The following RETREG3 variants were observed in gnomAD, a reference collection of about 807,000 sequenced individuals.
The protein encoded by RETREG3 is reticulophagy regulator 3.
Under a neutral mutation model 50.2 loss-of-function variants are expected in RETREG3, and 23 were observed. The observed-to-expected ratio is 0.46, with a 90% CI of 0.33 to 0.65. The LOEUF is 0.65. RETREG3 is among the 30% of genes least tolerant of loss of function. RETREG3 has a pLI of 0.02. For missense variants in RETREG3, 546 were observed against 598.0 expected (o/e 0.91, Z 0.91); for synonymous variants, 240 against 234.4 (o/e 1.02, Z -0.22).
intron 1 of RETREG3, among the ~76,000 whole-genome samples, chr17:42,597,953 A>G (rs915965773): frequency 1.0e-4 from 15 of 149,162 alleles, no homozygotes; most frequent in African/African-American, 3.4e-4. Context: ...TTATACCACA[A>G]AGAAAACTCT....
chr17:42,601,949 T>A (rs1166843217), intron 1 of RETREG3, among the ~76,000 whole-genome samples: 1 of 152,148 alleles, frequency 6.6e-6, no homozygotes, highest in African/African-American at 2.4e-5. Flanking sequence ...GTTTCCAATT[T>A]TTTGATGTAA....
At chr17:42,591,868 C>T (rs2093133951) in intron 2 of RETREG3, among the ~76,000 whole-genome samples, 188 bp downstream of exon 2, 1 of 152,126 alleles carries the variant, frequency 6.6e-6, no homozygotes, top group Admixed American at 6.6e-5. Flanking sequence ...ATGGGAAGGG[C>T]AGAACCCAGC....
chr17:42,590,552 G>A (rs1420274082), intron 2 of RETREG3, among the ~76,000 whole-genome samples: 2 of 151,976 alleles, frequency 1.3e-5, no homozygotes, highest in Non-Finnish European at 1.5e-5. Context: ...AGTGCCTATA[G>A]TCCCAGCTGC....
intron 4 of RETREG3, chr17:42,586,534 G>T: frequency 4.4e-6 from 2 of 451,138 alleles, no homozygotes; most frequent in South Asian, 3.7e-5. Context: ...CTATCTTGAA[G>T]CAAGAAAACG....
At chr17:42,601,329 T>C (rs1290956655) in intron 1 of RETREG3, among the ~76,000 whole-genome samples, 1 of 150,148 alleles carries the variant, frequency 6.7e-6, no homozygotes, top group Non-Finnish European at 1.5e-5. Flanking sequence ...TCCCAACACT[T>C]TGGGAGGCTG....
chr17:42,590,090 G>A (rs2093129503), intron 2 of RETREG3, among the ~76,000 whole-genome samples: 1 of 152,170 alleles, frequency 6.6e-6, no homozygotes, highest in Non-Finnish European at 1.5e-5. Context: ...TGTCGTCCCA[G>A]CTACTCAGGA....
chr17:42,586,937 T>TC (rs1032352671), intron 3 of RETREG3, 46 bp from the exon 4 acceptor site: 3 of 1,603,788 alleles, frequency 1.9e-6, no homozygotes, highest in Non-Finnish European at 2.6e-6. Flanking sequence ...GTGTTGAGGG[T>TC]CCCCCCATCT....
At chr17:42,582,459 C>T (rs2093111532) in intron 8 of RETREG3, among the ~76,000 whole-genome samples, 189 bp from the exon 9 acceptor site, 1 of 152,186 alleles carries the variant, frequency 6.6e-6, no homozygotes, top group Non-Finnish European at 1.5e-5. Flanking sequence ...TCTATGTCCC[C>T]TGTGAGGCTA....
chr17:42,596,390 AAAAAAAAAAG>A (rs2093144874), intron 1 of RETREG3: 5 of 146,138 alleles, frequency 3.4e-5, no homozygotes, highest in Non-Finnish European at 7.5e-5. Flanking sequence ...AAAAAAAAAA[AAAAAAAAAAG>A]AAATAAAAAT....
At chr17:42,587,414 A>G (rs1441565994) in intron 3 of RETREG3, among the ~76,000 whole-genome samples, 1 of 152,242 alleles carries the variant, frequency 6.6e-6, no homozygotes, top group Non-Finnish European at 1.5e-5. Flanking sequence ...CACAAGAGGA[A>G]TCTTTGGCTT....
intron 2 of RETREG3, among the ~76,000 whole-genome samples, chr17:42,589,025 T>C (rs2093127068): frequency 1.3e-5 from 2 of 148,312 alleles, no homozygotes; most frequent in Non-Finnish European, 3.0e-5. Flanking sequence ...TCTGCCTCCT[T>C]GGGGGGCTGA....
chr17:42,582,803 C>T lies in RETREG3; in HGVS notation c.814G>A (p.Asp272Asn). Residue 272 changes from aspartate (D) to asparagine (N), a missense_variant, in exon 8 of 9, where the codon GAC becomes AAC. Asp to Asn is a conservative substitution (Grantham distance 23). Coordinates refer to ENST00000309428, the MANE Select transcript of RETREG3 (RefSeq NM_178126.4). ...EELAAFCPQLDDSTVARELAI... is the reference protein window; with the variant it reads ...EELAAFCPQLNDSTVARELAI... The stretch of plus-strand genomic sequence containing the variant: ...AATTCCCTGGCAACAGTAGAATCGT[C>T]CAGCTTAGGAAAAGACCAACAAATG... 6.2e-7 allele frequency: 1 copy of T among 1,614,168 alleles called. No homozygotes were observed. Among genetic ancestry groups the T allele is most frequent in the South Asian group, 1.1e-5 (1 of 91,076 alleles).
rs3067882 is a variant in RETREG3, at chr17:42,581,048, A to AAAAAAGAAAAGAAAAG, written c.*764_*765insCTTTTCTTTTCTTTTT. 1.0e-4 allele frequency: 12 copies of AAAAAAGAAAAGAAAAG among 117,930 alleles called. No homozygotes were observed. The highest frequency in any genetic ancestry group is 4.0e-4 in the African/African-American group (12 of 30,292). The allele number at this position is 117,930 out of a possible 1,614,324, so 7.3% of individuals were successfully genotyped here. A position where few individuals can be genotyped will look rare whatever the true frequency, so the allele number is the denominator to read the frequency against. ...AGAGAGACTCTGTCTCAAAAAAAAAAAAAAGAAAAGAAAAGAAAAGAAAAA... is the reference window on the plus strand; with the variant it reads ...AGAGAGACTCTGTCTCAAAAAAAAAAAAAAAGAAAAGAAAAGAAAAGAAAAGAAAAGAAAAGAAAAA... On this transcript the variant is annotated 3_prime_UTR_variant, in exon 9 of 9. Transcript: ENST00000309428.
intron 3 of RETREG3, 137 bp from the exon 4 acceptor site, chr17:42,587,028 T>C: frequency 8.4e-7 from 1 of 1,193,324 alleles, no homozygotes; most frequent in Non-Finnish European, 1.2e-6. Context: ...AGGTGAAGCA[T>C]GACTTTCTTC....
At chr17:42,597,659 T>C (rs1233148459) in intron 1 of RETREG3, among the ~76,000 whole-genome samples, 1 of 117,038 alleles carries the variant, frequency 8.5e-6, no homozygotes, top group Admixed American at 9.9e-5. Flanking sequence ...AGACAGAGTC[T>C]CACTCTGTCA....
intron 1 of RETREG3, among the ~76,000 whole-genome samples, chr17:42,599,702 G>A (rs1257617655): frequency 4.1e-5 from 6 of 147,710 alleles, no homozygotes; most frequent in Non-Finnish European, 7.5e-5. Context: ...CATGTTTATC[G>A]AAAAAAAAGT....
chr17:42,583,749 A>G (rs941841233), intron 6 of RETREG3, among the ~76,000 whole-genome samples, 169 bp from the exon 7 acceptor site: 1 of 152,198 alleles, frequency 6.6e-6, no homozygotes, highest in Non-Finnish European at 1.5e-5. Context: ...ATGCAAGGTG[A>G]GTTGAAAACA....
In RETREG3 at chr17:42,609,278, C is replaced by G. The variant is rs1722484714; in HGVS notation, c.47G>C (p.Gly16Ala). 6.2e-7 allele frequency: 1 copy of G among 1,604,388 alleles called. No individual in the cohort carries two copies. The highest frequency in any genetic ancestry group is 1.1e-5 in the South Asian group (1 of 91,072). The change falls in exon 1 of 9, where the codon GGG becomes GCG. Residue 16 changes from glycine to alanine, a missense_variant. Coordinates refer to ENST00000309428, the MANE Select transcript of RETREG3 (RefSeq NM_178126.4). ...ATCTCGGCGGCCCCTGAAAGTCGAC[C>G]CCGAAGCCGGGCCTGGGGTCGTGGG... is the stretch of plus-strand genomic sequence containing the variant. ...GVPTTPGPASGSTFRGRRDVS... is the reference protein window; with the variant it reads ...GVPTTPGPASASTFRGRRDVS...
rs2093102132 is a variant in RETREG3, at chr17:42,579,515, T to C, written c.*2298A>G. ...CCATTCAGCATCAGTCTCTTAAAGA[T>C]TGTTCTCATACAAGATTTATTCCCC... On this transcript the variant is annotated 3_prime_UTR_variant, in exon 9 of 9. Transcript: ENST00000309428. 6.5e-6 allele frequency: 1 copy of C among 152,790 alleles called. No homozygotes were observed. The highest frequency in any genetic ancestry group is 2.4e-5 in the African/African-American group (1 of 41,426). The allele number at this position is 152,790 out of a possible 1,614,324, so 9.5% of individuals were successfully genotyped here.
Sources: allele counts gnomAD v4.1 joint callset (sites outside exome capture counted in the v4.1 genomes callset), GRCh38; gene constraint gnomAD v4.1.1; transcripts MANE v1.5; gene names NCBI Gene and HGNC (gene_info 2026-07-23, HGNC 2026-07-21).